The following RBFOX1 variants were observed in gnomAD, a reference collection of about 807,000 sequenced individuals.
RBFOX1 encodes RNA binding protein fox-1 homolog 1.
RBFOX1 carries 8 observed loss-of-function variants against 57.7 expected under a neutral mutation model. That is an observed-to-expected ratio of 0.14 (90% CI 0.08 to 0.25). RBFOX1 has a LOEUF of 0.25. Among genes scored for constraint, RBFOX1 ranks in the 10% least tolerant of loss-of-function variants. The pLI, the probability that RBFOX1 is intolerant of heterozygous loss-of-function variation, is 1.00. For missense variants in RBFOX1, 611 were observed against 548.5 expected (o/e 1.11, Z -1.14); for synonymous variants, 326 against 222.4 (o/e 1.47, Z -4.15).
intron 1 of RBFOX1, among the ~76,000 whole-genome samples, chr16:6,131,919 A>T (rs531637326): frequency 2.6e-5 from 4 of 152,342 alleles, no homozygotes; most frequent in Non-Finnish European, 2.9e-5. Context: ...AACACTTTGT[A>T]TGCACGTCTG....
chr16:5,894,145 A>G (rs768061720), intron 4 of RBFOX1, among the ~76,000 whole-genome samples: 2 of 152,150 alleles, frequency 1.3e-5, no homozygotes, highest in Non-Finnish European at 2.9e-5. Flanking sequence ...CCAAATTCGA[A>G]CACAATTCTG....
At chr16:6,506,834 G>C (rs1160650588) in intron 2 of RBFOX1, among the ~76,000 whole-genome samples, 3 of 152,046 alleles carry the variant, frequency 2.0e-5, no homozygotes, top group African/African-American at 4.8e-5. Flanking sequence ...TTTTAGTAGA[G>C]AGAGGGTTTG....
chr16:6,733,641 C>G (rs1410295597), intron 3 of RBFOX1, among the ~76,000 whole-genome samples: 2 of 152,046 alleles, frequency 1.3e-5, no homozygotes, highest in Non-Finnish European at 2.9e-5. Flanking sequence ...ACCTGTAGTC[C>G]CAGCTACTCA....
chr16:6,740,063 T>C (rs1040523101), intron 3 of RBFOX1, among the ~76,000 whole-genome samples: 1 of 152,186 alleles, frequency 6.6e-6, no homozygotes, highest in African/African-American at 2.4e-5. Context: ...AAAAGACTTA[T>C]GCACCCCAAC....
intron 10 of RBFOX1, among the ~76,000 whole-genome samples, chr16:7,627,517 TAGA>T (rs1463587730): frequency 1.3e-5 from 2 of 152,204 alleles, no homozygotes; most frequent in Non-Finnish European, 2.9e-5. Flanking sequence ...CATTTGGCAG[TAGA>T]AGGTTTATGT....
chr16:6,777,650 C>G (rs1247321732), intron 3 of RBFOX1, among the ~76,000 whole-genome samples: 1 of 152,088 alleles, frequency 6.6e-6, no homozygotes, highest in African/African-American at 2.4e-5. Context: ...AATCCAGTTT[C>G]TTAGCCTGAC....
chr16:7,273,561 G>T (rs536057315), intron 4 of RBFOX1, among the ~76,000 whole-genome samples: 2 of 152,054 alleles, frequency 1.3e-5, no homozygotes, highest in Non-Finnish European at 2.9e-5. Context: ...ACCTCTTTGT[G>T]CCTTCATTTT....
chr16:5,722,581 C>T (rs1368736858), intron 3 of RBFOX1, among the ~76,000 whole-genome samples: 1 of 152,126 alleles, frequency 6.6e-6, no homozygotes, highest in Non-Finnish European at 1.5e-5. Flanking sequence ...CCCAGGAAGG[C>T]ATCTTTATCA....
chr16:5,241,688 T>C (rs1267678974), intron 1 of RBFOX1, among the ~76,000 whole-genome samples: 1 of 152,222 alleles, frequency 6.6e-6, no homozygotes, highest in Non-Finnish European at 1.5e-5. Flanking sequence ...AGCTCGTCCA[T>C]AGAAGCACTT....
chr16:5,581,387 G>T (rs956705525), intron 2 of RBFOX1, among the ~76,000 whole-genome samples: 35 of 152,368 alleles, frequency 2.3e-4, no homozygotes, highest in African/African-American at 8.4e-4. Context: ...ATACCTATGT[G>T]TGTCAGTGGG....
At position 6,880,473 on chromosome 16, in the gene RBFOX1, G is replaced by A. The variant is rs1603635916; in HGVS notation, c.-15-171584G>A. On this transcript the variant is annotated intron_variant, in intron 3 of 15. Transcript: ENST00000550418. ...TCCCCTGTGTTGGTCATTGGTCCAA[G>A]GTGGACAAATGATGCAAAAGCTGGG... Among the ~76,000 whole-genome samples, 3 of 152,272 alleles carry A rather than the reference G, an allele frequency of 2.0e-5. No individual in the cohort carries two copies. The South Asian group carries it at 6.2e-4, about 32-fold the overall frequency.
chr16:5,282,893 G>A (rs1040089279), intron 1 of RBFOX1, among the ~76,000 whole-genome samples: 10 of 152,174 alleles, frequency 6.6e-5, no homozygotes, highest in East Asian at 1.9e-4. Flanking sequence ...GTGAATCCCC[G>A]TCAATGGGGA....
chr16:7,040,603 C>G (rs35416841), intron 3 of RBFOX1, among the ~76,000 whole-genome samples: 14,295 of 152,034 alleles, frequency 0.094, 1,119 homozygotes, highest in East Asian at 0.32. Flanking sequence ...CATCATTTTT[C>G]TGCTTTTGTC....
At chr16:7,213,968 G>T (rs1383490424) in intron 4 of RBFOX1, among the ~76,000 whole-genome samples, 1 of 152,034 alleles carries the variant, frequency 6.6e-6, no homozygotes, top group East Asian at 1.9e-4. Flanking sequence ...TTGCACCGCA[G>T]AGCTCAGAAT....
intron 4 of RBFOX1, among the ~76,000 whole-genome samples, chr16:7,280,049 G>A (rs370646935): frequency 1.3e-5 from 2 of 152,208 alleles, no homozygotes; most frequent in African/African-American, 4.8e-5. Flanking sequence ...TTCCCGCTGC[G>A]ATTGGATCTG....
At chr16:6,668,315 G>A (rs1040016098) in intron 3 of RBFOX1, among the ~76,000 whole-genome samples, 5 of 152,202 alleles carry the variant, frequency 3.3e-5, no homozygotes, top group African/African-American at 1.2e-4. Flanking sequence ...TGCCTGCCAA[G>A]GGTGGAGGAG....
intron 4 of RBFOX1, among the ~76,000 whole-genome samples, chr16:7,078,025 C>G (rs1220306831): frequency 2.6e-5 from 4 of 152,216 alleles, no homozygotes; most frequent in Admixed American, 2.0e-4. Context: ...ACCTCCATCA[C>G]TGCTAAGACA....
At position 5,562,345 on chromosome 16, in the gene RBFOX1, T is replaced by C. The variant is rs547555100; in HGVS notation, c.259-36557T>C. Among the ~76,000 whole-genome samples, 12 of 152,216 alleles carry C rather than the reference T, an allele frequency of 7.9e-5. No homozygotes were observed. The South Asian group carries it at 8.3e-4, about 11-fold the overall frequency. On this transcript the variant is annotated intron_variant, in intron 2 of 2. Transcript: ENST00000585867. ...GAGAAAGCTGCCTGTTTCCTAGATA[T>C]TGGAACTGCTGGGGTCAGGATTCAG...
At chr16:6,830,625 A>G (rs553024888) in intron 3 of RBFOX1, among the ~76,000 whole-genome samples, 4 of 152,326 alleles carry the variant, frequency 2.6e-5, no homozygotes, top group South Asian at 2.1e-4. Flanking sequence ...GTTCTGCTAA[A>G]CATACCACAG....
Sources: gnomAD v4.1 joint callset for allele counts (sites outside exome capture counted in the v4.1 genomes callset) on GRCh38, gnomAD v4.1.1 for gene constraint, MANE v1.5 for transcripts, NCBI Gene and HGNC (gene_info 2026-07-23, HGNC 2026-07-21) for gene names.